The following LINGO2 variants were observed in gnomAD, a reference collection of about 807,000 sequenced individuals.
LINGO2 encodes the protein leucine rich repeat and Ig domain containing 2.
A neutral mutation model predicts 30.6 loss-of-function variants in LINGO2; 14 were observed. The ratio of observed to expected loss-of-function variants is 0.46; its 90% CI spans 0.30 to 0.72. The LOEUF is 0.72. Ranked by LOEUF, LINGO2 falls within the 30% of genes least tolerant of loss-of-function variation. The pLI is 0.07. For missense variants in LINGO2, 729 were observed against 751.7 expected, an observed-to-expected ratio of 0.97 and a Z score of 0.35; for synonymous variants, 317 against 288.5, an observed-to-expected ratio of 1.10 and a Z score of -1.00.
chr9:28,535,079 A>G (rs934380694), intron 1 of LINGO2, among the ~76,000 whole-genome samples: 2 of 152,166 alleles, frequency 1.3e-5, no homozygotes, highest in Non-Finnish European at 2.9e-5. Flanking sequence ...CCACAGGGAA[A>G]GTATTAGGGA....
At chr9:28,048,626 T>C (rs1011963383) in intron 4 of LINGO2, among the ~76,000 whole-genome samples, 1 of 150,852 alleles carries the variant, frequency 6.6e-6, no homozygotes, top group Non-Finnish European at 1.5e-5. Context: ...GGTAATTTTA[T>C]TCTCTAGAAT....
chr9:28,763,610 T>C, the LINGO2 span, among the ~76,000 whole-genome samples: 1 of 151,418 alleles, frequency 6.6e-6, no homozygotes, highest in African/African-American at 2.4e-5. Context: ...CAACCTACAT[T>C]TATACCTAAA....
chr9:28,427,448 T>C (rs1446072362), intron 2 of LINGO2, among the ~76,000 whole-genome samples: 1 of 152,194 alleles, frequency 6.6e-6, no homozygotes, highest in Non-Finnish European at 1.5e-5. Context: ...ACTTGATGTA[T>C]ATTCTCTCCA....
chr9:28,715,869 CT>C, the LINGO2 span, among the ~76,000 whole-genome samples: 1 of 151,998 alleles, frequency 6.6e-6, no homozygotes, highest in Non-Finnish European at 1.5e-5. Context: ...CTATATTGGA[CT>C]TGTGTCAGTG....
the LINGO2 span, among the ~76,000 whole-genome samples, chr9:29,101,507 C>T: frequency 6.6e-6 from 1 of 152,072 alleles, no homozygotes; most frequent in Non-Finnish European, 1.5e-5. Flanking sequence ...AGCTATTAAC[C>T]ATCCCCCTAC....
chr9:29,155,337 G>A, the LINGO2 span, among the ~76,000 whole-genome samples: 1 of 151,886 alleles, frequency 6.6e-6, no homozygotes, highest in South Asian at 2.1e-4. Context: ...TTAAAGTAGG[G>A]GTGTTTGTCA....
At chr9:29,124,319 A>T in the LINGO2 span, among the ~76,000 whole-genome samples, 3 of 152,156 alleles carry the variant, frequency 2.0e-5, no homozygotes, top group East Asian at 5.8e-4. Flanking sequence ...CTAGAAGAAA[A>T]CCTAGGCAAT....
the LINGO2 span, among the ~76,000 whole-genome samples, chr9:28,823,655 T>C: frequency 6.6e-6 from 1 of 152,172 alleles, no homozygotes; most frequent in East Asian, 1.9e-4. Flanking sequence ...ACAGAGGAAC[T>C]GAAGCCCCAG....
intron 1 of LINGO2, among the ~76,000 whole-genome samples, chr9:28,481,655 G>A (rs184840844): frequency 3.3e-4 from 50 of 151,552 alleles, no homozygotes; most frequent in Middle Eastern, 3.4e-3. Context: ...TAAGTTTTAG[G>A]GTACATGTGC....
At chr9:28,768,495 C>G in the LINGO2 span, among the ~76,000 whole-genome samples, 2 of 151,930 alleles carry the variant, frequency 1.3e-5, no homozygotes, top group Non-Finnish European at 2.9e-5. Flanking sequence ...TTATTCCCCC[C>G]AAAAGCTCTG....
At chr9:27,948,802 T>G in exon 6 of LINGO2, 1 of 1,557,216 alleles carries the variant, frequency 6.4e-7, no homozygotes, top group Non-Finnish European at 8.7e-7. Flanking sequence ...CATACTGTCT[T>G]ACTGATTACC....
the LINGO2 span, among the ~76,000 whole-genome samples, chr9:29,134,238 G>A: frequency 6.6e-6 from 1 of 152,042 alleles, no homozygotes; most frequent in Non-Finnish European, 1.5e-5. Context: ...CAATTTATCA[G>A]TAATAATAAA....
At chr9:28,568,725 C>T (rs1823521674) in intron 1 of LINGO2, among the ~76,000 whole-genome samples, 1 of 151,892 alleles carries the variant, frequency 6.6e-6, no homozygotes, top group Admixed American at 6.6e-5. Context: ...AAAACTTCCT[C>T]TGAAGGATGC....
the LINGO2 span, among the ~76,000 whole-genome samples, chr9:28,872,964 G>T: frequency 1.3e-5 from 2 of 152,032 alleles, no homozygotes; most frequent in African/African-American, 4.8e-5. Context: ...CAATGACAAA[G>T]AAAATAAATC....
intron 2 of LINGO2, among the ~76,000 whole-genome samples, chr9:28,406,239 C>T (rs1194201985): frequency 2.0e-5 from 3 of 152,042 alleles, no homozygotes; most frequent in Non-Finnish European, 4.4e-5. Flanking sequence ...AGTTCAAGAC[C>T]AGCCTGGCCA....
At chr9:28,570,386 C>T (rs958486931) in intron 1 of LINGO2, among the ~76,000 whole-genome samples, 2 of 151,630 alleles carry the variant, frequency 1.3e-5, no homozygotes, top group South Asian at 2.1e-4. Context: ...AATAGAGCTA[C>T]AGTATGAGAA....
chr9:28,559,795 A>T (rs571376695), intron 1 of LINGO2, among the ~76,000 whole-genome samples: 12 of 152,170 alleles, frequency 7.9e-5, no homozygotes, highest in East Asian at 7.7e-4. Context: ...TTTGGGGGAA[A>T]TATTTATATC....
chr9:28,541,337 G>C (rs747136597), intron 1 of LINGO2, among the ~76,000 whole-genome samples: 2 of 152,110 alleles, frequency 1.3e-5, no homozygotes, highest in African/African-American at 4.8e-5. Flanking sequence ...CTCTCCTGGA[G>C]GAGGGACACA....
the LINGO2 span, among the ~76,000 whole-genome samples, chr9:29,104,189 T>G: frequency 6.6e-6 from 1 of 152,134 alleles, no homozygotes; most frequent in Non-Finnish European, 1.5e-5. Context: ...CTGATATGGT[T>G]TGGCTCTGCA....
Sources: gnomAD v4.1 joint callset for allele counts (sites outside exome capture counted in the v4.1 genomes callset) on GRCh38, gnomAD v4.1.1 for gene constraint, MANE v1.5 for transcripts, NCBI Gene and HGNC (gene_info 2026-07-23, HGNC 2026-07-21) for gene names.